SUGCT: variants seen among roughly 807,000 people sequenced by gnomAD.
SUGCT encodes the protein succinyl-CoA:glutarate CoA-transferase.
A neutral mutation model predicts 55.0 loss-of-function variants in SUGCT; 41 were observed. The observed-to-expected ratio is 0.74, with a 90% CI of 0.58 to 0.97. The LOEUF (loss-of-function observed/expected upper bound fraction) is 0.97. Ranked by LOEUF, SUGCT falls within the 50% of genes least tolerant of loss-of-function variation. The probability of loss-of-function intolerance (pLI) is 0.00; values close to 1 mark genes in which losing one functional copy is unlikely to be tolerated. For missense variants in SUGCT, 568 were observed against 547.8 expected (o/e 1.04, Z -0.37); for synonymous variants, 187 against 200.4 (o/e 0.93, Z 0.56).
intron 12 of SUGCT, among the ~76,000 whole-genome samples, chr7:40,507,252 C>T (rs947277304): frequency 1.3e-5 from 2 of 152,134 alleles, no homozygotes; most frequent in Non-Finnish European, 2.9e-5. Flanking sequence ...AAATGTTCCT[C>T]GCCACCCACC....
chr7:40,422,664 A>G (rs1787374666), intron 9 of SUGCT, among the ~76,000 whole-genome samples: 1 of 152,162 alleles, frequency 6.6e-6, no homozygotes, highest in Non-Finnish European at 1.5e-5. Flanking sequence ...GCACTCAATG[A>G]ATATTTGTTG....
At chr7:40,800,231 A>G (rs1329982742) in intron 13 of SUGCT, among the ~76,000 whole-genome samples, 1 of 147,732 alleles carries the variant, frequency 6.8e-6, no homozygotes, top group East Asian at 2.0e-4. Flanking sequence ...CTTGTTTGAG[A>G]GTGGCTGTGG....
chr7:40,301,336 G>A lies in SUGCT; in HGVS notation c.721-15424G>A, dbSNP rs866705688. ...ATTAATATAGGAGAATATAAAATGTGTTTTCTCTCACTTGCTATTCTTCAG... is the reference window on the plus strand; with the variant it reads ...ATTAATATAGGAGAATATAAAATGTATTTTCTCTCACTTGCTATTCTTCAG... On this transcript the variant is annotated intron_variant, in intron 8 of 13. Coordinates refer to ENST00000335693, the MANE Select transcript of SUGCT (RefSeq NM_001193313.2). Among the ~76,000 whole-genome samples, 4 of 152,220 alleles carry A rather than the reference G, an allele frequency of 2.6e-5. No homozygotes were observed. In the South Asian group the frequency reaches 8.3e-4, roughly 32 times the overall value.
At chr7:40,273,249 C>T (rs6462969) in intron 7 of SUGCT, among the ~76,000 whole-genome samples, 1 of 152,182 alleles carries the variant, frequency 6.6e-6, no homozygotes, top group Admixed American at 6.6e-5. Context: ...GCTACTATAC[C>T]GTCTCAGTTA....
intron 12 of SUGCT, among the ~76,000 whole-genome samples, chr7:40,502,505 TATTAA>T (rs1398794426): frequency 6.6e-6 from 1 of 151,992 alleles, no homozygotes; most frequent in Non-Finnish European, 1.5e-5. Context: ...ATTAATTCAA[TATTAA>T]ATTAATAGCA....
intron 13 of SUGCT, among the ~76,000 whole-genome samples, chr7:40,825,465 A>T (rs781682974): frequency 1.3e-5 from 2 of 152,116 alleles, no homozygotes; most frequent in Non-Finnish European, 2.9e-5. Flanking sequence ...AGGGTTTCAA[A>T]TTTTCTGTGG....
chr7:41,026,818 G>A, the SUGCT span, among the ~76,000 whole-genome samples: 1 of 152,118 alleles, frequency 6.6e-6, no homozygotes, highest in South Asian at 2.1e-4. Context: ...TAGATCATGA[G>A]GTCAGGAATT....
chr7:41,024,052 A>G, the SUGCT span, among the ~76,000 whole-genome samples: 1 of 152,346 alleles, frequency 6.6e-6, no homozygotes, highest in South Asian at 2.1e-4. Flanking sequence ...GCAAGACAAC[A>G]TGCATGTATG....
At chr7:40,770,373 G>A (rs1789030759) in intron 13 of SUGCT, among the ~76,000 whole-genome samples, 1 of 152,106 alleles carries the variant, frequency 6.6e-6, no homozygotes, top group African/African-American at 2.4e-5. Context: ...ATGTCTTCAG[G>A]AAATCAGGCT....
chr7:40,463,201 C>T (rs74615151), intron 11 of SUGCT, among the ~76,000 whole-genome samples: 4,313 of 152,136 alleles, frequency 0.028, 151 homozygotes, highest in African/African-American at 0.074. Flanking sequence ...ATCTTTAAAA[C>T]GTGAAAATGT....
At chr7:40,830,195 C>T (rs1792581537) in intron 13 of SUGCT, among the ~76,000 whole-genome samples, 1 of 152,184 alleles carries the variant, frequency 6.6e-6, no homozygotes, top group African/African-American at 2.4e-5. Flanking sequence ...CCTCCCAGTG[C>T]TTGCCTGCCT....
intron 13 of SUGCT, among the ~76,000 whole-genome samples, chr7:40,854,219 C>T (rs1794002265): frequency 6.6e-6 from 1 of 152,040 alleles, no homozygotes; most frequent in African/African-American, 2.4e-5. Context: ...ATTTTTCCAA[C>T]TTTTCAGTTA....
chr7:40,231,448 G>C (rs978225827), intron 6 of SUGCT, among the ~76,000 whole-genome samples: 3 of 152,130 alleles, frequency 2.0e-5, no homozygotes, highest in Admixed American at 1.3e-4. Context: ...ACTTTAGAGA[G>C]AATGAAAATA....
At chr7:40,787,660 C>CAAAAAAAAAAAAAAAAAA in intron 13 of SUGCT, among the ~76,000 whole-genome samples, 1 of 48,418 alleles carries the variant, frequency 2.1e-5, no homozygotes. Context: ...AAATTTTGAC[C>CAAAAAAAAAAAAAAAAAA]AAAAAAAAAA....
At chr7:41,000,527 A>G in the SUGCT span, among the ~76,000 whole-genome samples, 3 of 151,776 alleles carry the variant, frequency 2.0e-5, no homozygotes, top group Non-Finnish European at 4.4e-5. Flanking sequence ...ATACTGGAGA[A>G]CTCTCAAAAT....
rs547557155 is a variant in SUGCT, at chr7:40,185,607, C to T, written c.227-2888C>T. ...GCACGATCTCGGCTCACTGCAACCT[C>T]TACCTCCCAGGTTCAAATGATTCTC... On this transcript the variant is annotated intron_variant, in intron 3 of 13. Coordinates refer to ENST00000335693, the MANE Select transcript of SUGCT (RefSeq NM_001193313.2). Among the ~76,000 whole-genome samples, 3 of 152,294 alleles carry T rather than the reference C, an allele frequency of 2.0e-5. No homozygotes were observed. The South Asian group carries it at 6.2e-4, about 32-fold the overall frequency.
intron 12 of SUGCT, among the ~76,000 whole-genome samples, chr7:40,545,794 G>GCACA (rs1794955653): frequency 6.6e-6 from 1 of 152,072 alleles, no homozygotes; most frequent in Admixed American, 6.6e-5. Context: ...AAGAATCATG[G>GCACA]GTGTGTTCTT....
chr7:40,267,882 T>TA (rs1231250717), intron 7 of SUGCT, among the ~76,000 whole-genome samples: 1 of 152,208 alleles, frequency 6.6e-6, no homozygotes, highest in Non-Finnish European at 1.5e-5. Flanking sequence ...ACCTCAGAAT[T>TA]GTACTAAGGA....
intron 6 of SUGCT, among the ~76,000 whole-genome samples, chr7:40,211,290 T>C (rs1787322328): frequency 6.6e-6 from 1 of 152,232 alleles, no homozygotes; most frequent in South Asian, 2.1e-4. Context: ...CTTGGCTCAC[T>C]GTGACCTTCA....
Sources: allele counts gnomAD v4.1 joint callset (sites outside exome capture counted in the v4.1 genomes callset), GRCh38; gene constraint gnomAD v4.1.1; transcripts MANE v1.5; gene names NCBI Gene and HGNC (gene_info 2026-07-23, HGNC 2026-07-21).